The following EXOSC2 variants were observed in gnomAD, a reference collection of about 807,000 sequenced individuals.
EXOSC2 encodes exosome complex component RRP4.
A neutral mutation model predicts 37.6 loss-of-function variants in EXOSC2; 29 were observed. That is an observed-to-expected ratio of 0.77 (90% CI 0.57 to 1.05). The LOEUF is 1.05. Among genes scored for constraint, EXOSC2 ranks in the 50% least tolerant of loss-of-function variants. The probability of loss-of-function intolerance (pLI) is 0.00; values close to 1 mark genes in which losing one functional copy is unlikely to be tolerated. For missense variants in EXOSC2, 346 were observed against 365.6 expected, an observed-to-expected ratio of 0.95 and a Z score of 0.44; for synonymous variants, 119 against 131.1, an observed-to-expected ratio of 0.91 and a Z score of 0.63.
intron 2 of EXOSC2, among the ~76,000 whole-genome samples, chr9:130,695,831 A>G (rs1473297896): frequency 6.8e-6 from 1 of 146,218 alleles, no homozygotes; most frequent in Non-Finnish European, 1.5e-5. Flanking sequence ...GTATAATAGC[A>G]TGGCCTACTT....
rs973816391 is a variant in EXOSC2, at chr9:130,695,476, C to T, written c.123-16C>T. The T allele has an allele frequency of 6.2e-7, 1 of 1,605,894 alleles. No homozygotes were observed. Among genetic ancestry groups the T allele is most frequent in the Non-Finnish European group, 8.5e-7 (1 of 1,172,500 alleles). On this transcript the variant is annotated splice_polypyrimidine_tract_variant and intron_variant, in intron 1 of 8. Transcript: ENST00000372358. ...TTACCCTCGTATCCTTTCTTTGTAT[C>T]TTCGCCTTGCATCAGGGGCCATGGA...
chr9:130,702,377 C>T, intron 7 of EXOSC2, 67 bp downstream of exon 7: 1 of 1,422,004 alleles, frequency 7.0e-7, no homozygotes, highest in East Asian at 2.4e-5. Context: ...GTTTTTGTGG[C>T]CAGTGAAGTT....
chr9:130,698,550 A>G lies in EXOSC2; in HGVS notation c.360+299A>G, dbSNP rs149567107. ...TTGTTAACAGTTTTCCTTTTTGGAT[A>G]TAACAGCCTTGCATAGTGAAGATGT... On this transcript the variant is annotated intron_variant, in intron 4 of 8. Transcript: ENST00000372358. This position sits in a 1 kb window ranked among gnomAD's most constrained non-coding sequence, Gnocchi z 4.1. Among the ~76,000 whole-genome samples the G allele has an allele frequency of 3.9e-5, 6 of 152,348 alleles. No individual in the cohort carries two copies. In the East Asian group the frequency reaches 1.2e-3, roughly 29 times the overall value.
rs773672110 is a variant in EXOSC2, at chr9:130,702,346, A to C, written c.672+36A>C. The stretch of plus-strand genomic sequence containing the variant: ...ACTGTGGCCATTTTCAGTGGGATGG[A>C]GGGGGCTCAGTCTTTGCTGTGTTTT... On this transcript the variant is annotated intron_variant, in intron 7 of 8. Coordinates refer to ENST00000372358, the MANE Select transcript of EXOSC2 (RefSeq NM_014285.7). 6 of 1,572,494 alleles carry C rather than the reference A, an allele frequency of 3.8e-6. No individual in the cohort carries two copies. The Admixed American group carries it at 8.8e-5, about 23-fold the overall frequency.
chr9:130,698,669 C>G lies in EXOSC2; in HGVS notation c.360+418C>G, dbSNP rs1412633253. 6.6e-6 allele frequency among the ~76,000 whole-genome samples: 1 copy of G among 152,184 alleles called. No homozygotes were observed. The highest frequency in any genetic ancestry group is 2.4e-5 in the African/African-American group (1 of 41,438). On this transcript the variant is annotated intron_variant, in intron 4 of 8. Coordinates refer to ENST00000372358, the MANE Select transcript of EXOSC2 (RefSeq NM_014285.7). The surrounding 1 kb of genome is among the most constrained non-coding windows in gnomAD (Gnocchi z 4.1). ...ATGTGGTTGCTGGCATTCCAGACAA[C>G]CACAGTAACTAAGCCACAGCCTTTT... is the stretch of plus-strand genomic sequence containing the variant.
intron 1 of EXOSC2, 124 bp from the exon 2 acceptor site, chr9:130,695,368 C>T (rs948906606): frequency 2.5e-6 from 2 of 788,162 alleles, no homozygotes; most frequent in East Asian, 2.5e-5. Context: ...AGGGAGCAGC[C>T]AGCACAGAAG....
At chr9:130,699,790 C>T (rs536316345) in intron 5 of EXOSC2, 1 of 177,668 alleles carries the variant, frequency 5.6e-6, no homozygotes, top group Non-Finnish European at 1.2e-5. Context: ...CTGCTTGAGC[C>T]TAAGAGTTCA....
chr9:130,702,094 C>T, intron 6 of EXOSC2, 40 bp from the exon 7 acceptor site: 1 of 1,598,202 alleles, frequency 6.3e-7, no homozygotes, highest in Non-Finnish European at 8.5e-7. Context: ...TTCATCCCGC[C>T]AATCTTGCAG....
chr9:130,695,679 C>A, intron 2 of EXOSC2, 86 bp downstream of exon 2: 1 of 1,121,870 alleles, frequency 8.9e-7, no homozygotes, highest in Non-Finnish European at 1.3e-6. Context: ...TCCCCCACCC[C>A]ACCCCTGCCT....
At chr9:130,702,076 C>T (rs1831227612) in intron 6 of EXOSC2, 58 bp from the exon 7 acceptor site, 1 of 1,579,344 alleles carries the variant, frequency 6.3e-7, no homozygotes. Context: ...TCTGTAGTCT[C>T]CTTTTCATTC....
Position 130,703,678 on chromosome 9 carries a change from CT to C in EXOSC2, c.802-12del. On this transcript the variant is annotated splice_polypyrimidine_tract_variant and intron_variant, in intron 8 of 8. Coordinates refer to ENST00000372358, the MANE Select transcript of EXOSC2 (RefSeq NM_014285.7). The stretch of plus-strand genomic sequence containing the variant: ...GTTGGTTTCTTTTCTGAACAAATGC[CT>C]TTTCCCTTTTTCAGATCAAAGACAT... 1 of 1,609,674 alleles carries C rather than the reference CT, an allele frequency of 6.2e-7. No homozygotes were observed. Among genetic ancestry groups the C allele is most frequent in the Non-Finnish European group, 8.5e-7 (1 of 1,177,136 alleles).
At chr9:130,703,015 GTT>G in intron 7 of EXOSC2, 36 bp from the exon 8 acceptor site, 2 of 1,590,378 alleles carry the variant, frequency 1.3e-6, no homozygotes, top group East Asian at 4.5e-5. Context: ...TTTTGGTCCT[GTT>G]TGTATTTCCC....
chr9:130,697,798 G>GT (rs369300595), intron 3 of EXOSC2, 171 bp downstream of exon 3: 81,102 of 483,338 alleles, frequency 0.17, 481 homozygotes, highest in South Asian at 0.21. Context: ...ACTGGTTCAT[G>GT]TTTTTTTTTT....
At chr9:130,700,790 G>T (rs1383537996) in intron 5 of EXOSC2, 77 bp from the exon 6 acceptor site, 3 of 1,350,342 alleles carry the variant, frequency 2.2e-6, no homozygotes, top group Non-Finnish European at 3.2e-6. Flanking sequence ...GGAGGTGTGG[G>T]GTCAAGGGGA....
chr9:130,702,248 T>G lies in EXOSC2; in HGVS notation c.610T>G (p.Trp204Gly), dbSNP rs1315382178. The change falls in exon 7 of 9, where the codon TGG (tryptophan) becomes GGG (glycine). Residue 204 changes from tryptophan to glycine, a missense_variant. Trp to Gly is a radical substitution (Grantham distance 184, BLOSUM62 -2). Transcript: ENST00000372358. ...GATTCTCGGTAACAACGGCTTCATC[T>G]GGATTTACCCAACACCTGAGCACAA... is the stretch of plus-strand genomic sequence containing the variant. Reference protein sequence around the residue: ...SVILGNNGFIWIYPTPEHKEE... With the variant: ...SVILGNNGFIGIYPTPEHKEE... The G allele has an allele frequency of 6.2e-7, 1 of 1,614,168 alleles. No homozygotes were observed. Among genetic ancestry groups the G allele is most frequent in the Non-Finnish European group, 8.5e-7 (1 of 1,180,030 alleles).
intron 2 of EXOSC2, among the ~76,000 whole-genome samples, chr9:130,695,953 C>T (rs762652867): frequency 5.9e-5 from 9 of 151,382 alleles, no homozygotes; most frequent in Non-Finnish European, 1.0e-4. Flanking sequence ...CTTCGCCTCC[C>T]GGGTTCAAAC....
intron 1 of EXOSC2, 123 bp from the exon 2 acceptor site, chr9:130,695,369 A>T: frequency 1.3e-6 from 1 of 793,534 alleles, no homozygotes; most frequent in Non-Finnish European, 2.2e-6. Context: ...GGGAGCAGCC[A>T]GCACAGAAGC....
intron 5 of EXOSC2, 104 bp downstream of exon 5, chr9:130,699,498 G>T: frequency 8.6e-7 from 1 of 1,165,248 alleles, no homozygotes; most frequent in East Asian, 2.3e-5. Flanking sequence ...CATCCTTGCA[G>T]GGATCCGAGT....
intron 5 of EXOSC2, among the ~76,000 whole-genome samples, chr9:130,700,048 C>T (rs916489856): frequency 2.0e-5 from 3 of 152,070 alleles, no homozygotes; most frequent in East Asian, 1.9e-4. Context: ...TTTTTAATGA[C>T]GGAGTCTTGC....
Sources: allele counts gnomAD v4.1 joint callset (sites outside exome capture counted in the v4.1 genomes callset), GRCh38; gene constraint gnomAD v4.1.1; non-coding constraint Gnocchi (gnomAD v3.1); transcripts MANE v1.5; gene names NCBI Gene and HGNC (gene_info 2026-07-23, HGNC 2026-07-21).